Variants in ROBO2 observed in about 807,000 individuals in gnomAD.
ROBO2 encodes the protein roundabout guidance receptor 2, also known as roundabout homolog 2.
In ROBO2, 53 loss-of-function variants were observed where a neutral mutation model predicts 160.8. The observed-to-expected ratio is 0.33, with a 90% CI of 0.26 to 0.41. ROBO2 has a LOEUF of 0.41. Among genes scored for constraint, ROBO2 ranks in the 10% least tolerant of loss-of-function variants. The probability of loss-of-function intolerance (pLI) is 1.00; values close to 1 mark genes in which losing one functional copy is unlikely to be tolerated. For synonymous variants in ROBO2, 664 were observed against 611.7 expected (o/e 1.09, Z -1.26); for missense variants, 1,577 against 1,722.4 (o/e 0.92, Z 1.49).
At chr3:76,276,974 T>C (rs1163652278) in intron 2 of ROBO2, among the ~76,000 whole-genome samples, 9 of 152,046 alleles carry the variant, frequency 5.9e-5, no homozygotes, top group Non-Finnish European at 1.2e-4. Flanking sequence ...TATATATACA[T>C]TATACACATG....
intron 2 of ROBO2, among the ~76,000 whole-genome samples, chr3:77,462,477 A>G (rs1428417742): frequency 6.6e-6 from 1 of 152,184 alleles, no homozygotes; most frequent in Non-Finnish European, 1.5e-5. Flanking sequence ...TTTTATTGAC[A>G]TTTACATTTC....
At chr3:76,918,351 C>A (rs1173536513) in intron 2 of ROBO2, among the ~76,000 whole-genome samples, 2 of 152,140 alleles carry the variant, frequency 1.3e-5, no homozygotes, top group Non-Finnish European at 2.9e-5. Context: ...TGAAGAGGTG[C>A]CTTCTGCCAT....
chr3:76,608,156 C>T (rs2087803164), intron 2 of ROBO2, among the ~76,000 whole-genome samples: 1 of 152,202 alleles, frequency 6.6e-6, no homozygotes, highest in Admixed American at 6.5e-5. Context: ...TGTGGACTTC[C>T]TCAACCTCCT....
At chr3:76,785,651 A>G (rs1490469884) in intron 2 of ROBO2, among the ~76,000 whole-genome samples, 2 of 151,224 alleles carry the variant, frequency 1.3e-5, no homozygotes, top group African/African-American at 4.8e-5. Flanking sequence ...AGACTCACCT[A>G]TCTGAGAGAG....
At chr3:76,218,387 A>T (rs1352625465) in intron 2 of ROBO2, among the ~76,000 whole-genome samples, 1 of 152,220 alleles carries the variant, frequency 6.6e-6, no homozygotes, top group Non-Finnish European at 1.5e-5. Flanking sequence ...CTGTTTGCAG[A>T]TGAAGTGATT....
chr3:76,727,643 C>T (rs192810956), intron 2 of ROBO2, among the ~76,000 whole-genome samples: 13 of 151,948 alleles, frequency 8.6e-5, no homozygotes, highest in Non-Finnish European at 1.3e-4. Flanking sequence ...AAGTTGGGCA[C>T]GGAAACAAAT....
In ROBO2 at chr3:75,922,376, T is replaced by A. The variant is rs537740070; in HGVS notation, c.-13-15105T>A. ...CCCTAACCAATAACAGAAAATTTTT[T>A]AAAAAATATTTATGGATTGGAATTT... is the stretch of plus-strand genomic sequence containing the variant. On this transcript the variant is annotated intron_variant, in intron 1 of 26. Coordinates refer to the ROBO2 transcript ENST00000487694. Among the ~76,000 whole-genome samples the A allele has an allele frequency of 1.4e-4, 22 of 152,252 alleles. No homozygotes were observed. In the South Asian group the frequency reaches 2.5e-3, roughly 17 times the overall value.
chr3:77,239,997 C>A (rs1172790822), intron 2 of ROBO2, among the ~76,000 whole-genome samples: 3 of 152,310 alleles, frequency 2.0e-5, no homozygotes, highest in African/African-American at 4.8e-5. Flanking sequence ...TTCTCCAAGT[C>A]CCCACCTGAC....
intron 2 of ROBO2, among the ~76,000 whole-genome samples, chr3:76,750,363 A>G (rs906229920): frequency 6.6e-6 from 1 of 152,130 alleles, no homozygotes; most frequent in African/African-American, 2.4e-5. Flanking sequence ...AAAAACTGGA[A>G]GCATTCCCTT....
chr3:77,331,629 A>G (rs2065971798), intron 2 of ROBO2, among the ~76,000 whole-genome samples: 1 of 152,206 alleles, frequency 6.6e-6, no homozygotes, highest in Non-Finnish European at 1.5e-5. Context: ...CAATTTTTCT[A>G]CTTATTCAGT....
chr3:76,413,582 T>C (rs1483666196), intron 2 of ROBO2, among the ~76,000 whole-genome samples: 2 of 152,168 alleles, frequency 1.3e-5, no homozygotes, highest in East Asian at 1.9e-4. Context: ...AGGGGCAAAA[T>C]GCCTCCTGTC....
chr3:76,555,660 G>A (rs1185732253), intron 2 of ROBO2, among the ~76,000 whole-genome samples: 1 of 152,080 alleles, frequency 6.6e-6, no homozygotes, highest in Non-Finnish European at 1.5e-5. Context: ...GTACTCTAAG[G>A]CTTACATTGC....
chr3:76,822,426 A>C (rs2066200923), intron 2 of ROBO2, among the ~76,000 whole-genome samples: 3 of 152,150 alleles, frequency 2.0e-5, no homozygotes, highest in South Asian at 2.1e-4. Context: ...GAAAGAACTT[A>C]TGAGTTTCAT....
At chr3:77,102,621 G>A (rs892128301) in intron 2 of ROBO2, among the ~76,000 whole-genome samples, 9 of 151,782 alleles carry the variant, frequency 5.9e-5, no homozygotes, top group African/African-American at 1.7e-4. Flanking sequence ...AAAAATGTTC[G>A]ATTCTACTAT....
chr3:77,127,103 T>C (rs1012043439), intron 2 of ROBO2, among the ~76,000 whole-genome samples: 1 of 152,108 alleles, frequency 6.6e-6, no homozygotes, highest in African/African-American at 2.4e-5. Context: ...CTTCTTTTTT[T>C]CTTAATGAAA....
intron 2 of ROBO2, among the ~76,000 whole-genome samples, chr3:76,257,170 A>G (rs1421407141): frequency 1.3e-5 from 2 of 152,170 alleles, no homozygotes; most frequent in Non-Finnish European, 2.9e-5. Context: ...TTACAACTCA[A>G]CATGAGACTT....
At chr3:77,623,881 A>G (rs2094951601) in intron 23 of ROBO2, among the ~76,000 whole-genome samples, 1 of 152,170 alleles carries the variant, frequency 6.6e-6, no homozygotes, top group Non-Finnish European at 1.5e-5. Flanking sequence ...TAGTTCTTTT[A>G]TTAAATATTA....
intron 2 of ROBO2, among the ~76,000 whole-genome samples, chr3:76,203,012 T>C (rs1018934411): frequency 6.6e-6 from 1 of 151,230 alleles, no homozygotes; most frequent in Admixed American, 6.6e-5. Context: ...TCCTAAAATA[T>C]ATTGAATAAC....
intron 2 of ROBO2, among the ~76,000 whole-genome samples, chr3:75,952,638 A>G (rs1023746484): frequency 1.8e-4 from 27 of 152,098 alleles, no homozygotes; most frequent in African/African-American, 6.5e-4. Flanking sequence ...GTACATTATT[A>G]TTGACTAAAG....
Sources: allele counts gnomAD v4.1 joint callset (sites outside exome capture counted in the v4.1 genomes callset), GRCh38; gene constraint gnomAD v4.1.1; transcripts MANE v1.5; gene names NCBI Gene and HGNC (gene_info 2026-07-23, HGNC 2026-07-21).